Variants in TTLL6 observed in about 807,000 individuals in gnomAD.
TTLL6 encodes the protein tubulin tyrosine ligase like 6.
In TTLL6, 75 loss-of-function variants were observed where a neutral mutation model predicts 96.4. That is an observed-to-expected ratio of 0.78 (90% confidence interval 0.65 to 0.94). The LOEUF is 0.94. Among genes scored for constraint, TTLL6 ranks in the 40% least tolerant of loss-of-function variants. The pLI, the probability that TTLL6 is intolerant of heterozygous loss-of-function variation, is 0.00. For synonymous variants in TTLL6, 411 were observed against 419.4 expected, an observed-to-expected ratio of 0.98 and a Z score of 0.24; for missense variants, 1,030 against 1,093.0, an observed-to-expected ratio of 0.94 and a Z score of 0.81.
intron 15 of TTLL6, among the ~76,000 whole-genome samples, chr17:48,764,431 T>C (rs2038553363): frequency 6.6e-6 from 1 of 152,164 alleles, no homozygotes; most frequent in South Asian, 2.1e-4. Context: ...ATCCTCAACC[T>C]TGAGTTTCTT....
intron 13 of TTLL6, among the ~76,000 whole-genome samples, chr17:48,780,215 G>T (rs1323286987): frequency 6.6e-6 from 1 of 151,946 alleles, no homozygotes; most frequent in African/African-American, 2.4e-5. Context: ...GTGCAATCTC[G>T]GCTCACTGCA....
intron 1 of TTLL6, among the ~76,000 whole-genome samples, chr17:48,810,306 G>A (rs2039562019): frequency 6.6e-6 from 1 of 152,042 alleles, no homozygotes; most frequent in Admixed American, 6.6e-5. Flanking sequence ...ATTCTAGGCT[G>A]CCTATGACAT....
chr17:48,767,732 T>G (rs769525336), intron 15 of TTLL6, among the ~76,000 whole-genome samples: 1 of 152,204 alleles, frequency 6.6e-6, no homozygotes, highest in African/African-American at 2.4e-5. Flanking sequence ...TTTTTACATA[T>G]GACCTTCCCT....
chr17:48,776,078 A>G (rs1018601100), intron 13 of TTLL6, among the ~76,000 whole-genome samples: 2 of 152,228 alleles, frequency 1.3e-5, no homozygotes, highest in African/African-American at 2.4e-5. Flanking sequence ...TAAAGAGACT[A>G]ATGATTGGAA....
intron 3 of TTLL6, among the ~76,000 whole-genome samples, chr17:48,802,195 C>G (rs1195122746): frequency 6.6e-6 from 1 of 151,856 alleles, no homozygotes; most frequent in Non-Finnish European, 1.5e-5. Context: ...AAGAATCCAG[C>G]CTGTGCTCAA....
At chr17:48,771,669 G>GTA (rs34568678) in intron 13 of TTLL6, among the ~76,000 whole-genome samples, 45,466 of 150,704 alleles carry the variant, frequency 0.3, 7,056 homozygotes, top group Admixed American at 0.4. Context: ...ACACATTAGT[G>GTA]TATATATATA....
At chr17:48,812,331 G>A (rs2039608698) in intron 1 of TTLL6, 1 of 152,176 alleles carries the variant, frequency 6.6e-6, no homozygotes, top group African/African-American at 2.4e-5. Context: ...CATACATCAT[G>A]GTGTAAGGGC....
chr17:48,769,335 A>G, intron 14 of TTLL6, 81 bp from the exon 15 acceptor site: 1 of 1,489,528 alleles, frequency 6.7e-7, no homozygotes, highest in Non-Finnish European at 9.0e-7. Flanking sequence ...ACCTCCCAGT[A>G]GGGTCCCATG....
At chr17:48,804,088 A>G in intron 2 of TTLL6, 160 bp from the exon 3 acceptor site, 1 of 712,478 alleles carries the variant, frequency 1.4e-6, no homozygotes, top group Non-Finnish European at 2.4e-6. Context: ...ACACGAGTCC[A>G]AGGGGGTACA....
intron 7 of TTLL6, among the ~76,000 whole-genome samples, chr17:48,796,549 G>A (rs1443476505): frequency 6.6e-6 from 1 of 151,320 alleles, no homozygotes; most frequent in Non-Finnish European, 1.5e-5. Context: ...AACCCAGGAG[G>A]CAGAGGTTGC....
At chr17:48,804,307 A>G (rs1410845044) in intron 2 of TTLL6, 1 of 489,808 alleles carries the variant, frequency 2.0e-6, no homozygotes, top group Admixed American at 2.3e-5. Flanking sequence ...AAGGGAAGCT[A>G]TGAATAAGAA....
Position 48,786,263 on chromosome 17 carries a change from C to G in TTLL6, c.1662G>C (p.Gln554His). 1.2e-6 allele frequency: 2 copies of G among 1,614,236 alleles called. No homozygotes were observed. The highest frequency in any genetic ancestry group is 1.1e-5 in the South Asian group (1 of 91,086). Residue 554 changes from glutamine to histidine, a missense_variant, in exon 12 of 16, where the codon CAG (glutamine) becomes CAC (histidine). By Grantham distance (24) the Gln-to-His change is conservative. Coordinates refer to ENST00000393382, the MANE Select transcript of TTLL6 (RefSeq NM_001130918.3). The stretch of plus-strand genomic sequence containing the variant: ...TCACTTGCTCGCCTGCCGATTCCCC[C>G]TGCATCTCTACCTTCTTCTTCATTT... The part of the protein sequence containing the change: ...PFQMKKKVEM[Q>H]GESAGEQVRK...
At chr17:48,808,071 C>G (rs1386582348) in intron 1 of TTLL6, among the ~76,000 whole-genome samples, 1 of 152,048 alleles carries the variant, frequency 6.6e-6, no homozygotes, top group Non-Finnish European at 1.5e-5. Flanking sequence ...ATCTCCTGAC[C>G]TCGTGATCCG....
Position 48,769,031 on chromosome 17 carries a change from G to GC in TTLL6, c.2633dup (p.Ser878ArgfsTer12). 1 of 1,614,148 alleles carries GC rather than the reference G, an allele frequency of 6.2e-7. No individual in the cohort carries two copies. Among genetic ancestry groups the GC allele is most frequent in the Non-Finnish European group, 8.5e-7 (1 of 1,180,012 alleles). ...CTTTTTGGCCAGAGATCAGGCAATG[G>GC]CTGTATGCTTCTTGATCCTGCATAC... On this transcript the variant is annotated frameshift_variant, in exon 15 of 16. Transcript: ENST00000393382. LOFTEE classifies it high-confidence loss of function.
At chr17:48,780,389 T>A (rs2038963807) in intron 13 of TTLL6, among the ~76,000 whole-genome samples, 1 of 152,142 alleles carries the variant, frequency 6.6e-6, no homozygotes, top group African/African-American at 2.4e-5. Context: ...AACTGAGGTT[T>A]AGGGAATTTA....
chr17:48,807,902 G>T (rs141016366), intron 1 of TTLL6, among the ~76,000 whole-genome samples: 4 of 150,642 alleles, frequency 2.7e-5, no homozygotes, highest in Admixed American at 2.0e-4. Flanking sequence ...GCAGTGGCGC[G>T]GTCTCGGCTC....
At chr17:48,781,555 T>G (rs1261263697) in intron 13 of TTLL6, among the ~76,000 whole-genome samples, 2 of 152,260 alleles carry the variant, frequency 1.3e-5, no homozygotes, top group Non-Finnish European at 2.9e-5. Flanking sequence ...TGATGACTAG[T>G]GATGTTGAGC....
At position 48,786,328 on chromosome 17, in the gene TTLL6, T is replaced by C; in HGVS notation, c.1597A>G (p.Ile533Val). The C allele has an allele frequency of 6.2e-7, 1 of 1,614,234 alleles. No individual in the cohort carries two copies. The highest frequency in any genetic ancestry group is 1.1e-5 in the South Asian group (1 of 91,086). The change falls in exon 12 of 16, where the codon ATC becomes GTC. Residue 533 changes from isoleucine to valine, a missense_variant. Coordinates refer to ENST00000393382, the MANE Select transcript of TTLL6 (RefSeq NM_001130918.3). The part of the protein sequence containing the change: ...RAREEYARQL[I>V]QELRLKREKK... ...TCCCGTTTTAGTCTCAGCTCCTGGA[T>C]CAGTTGCCTGCCCATGAAGAACAAG...
Position 48,786,339 on chromosome 17 carries a change from C to T in TTLL6, c.1590-4G>A. ...TCTCAGCTCCTGGATCAGTTGCCTG[C>T]CCATGAAGAACAAGTGAACATCATG... On this transcript the variant is annotated splice_polypyrimidine_tract_variant and splice_region_variant and intron_variant, in intron 11 of 15. Transcript: ENST00000393382. The T allele has an allele frequency of 3.7e-6, 6 of 1,614,200 alleles. No homozygotes were observed. The highest frequency in any genetic ancestry group is 5.1e-6 in the Non-Finnish European group (6 of 1,180,024).
Sources: gnomAD v4.1 joint callset for allele counts (sites outside exome capture counted in the v4.1 genomes callset) on GRCh38, gnomAD v4.1.1 for gene constraint, MANE v1.5 for transcripts, NCBI Gene and HGNC (gene_info 2026-07-23, HGNC 2026-07-21) for gene names.